The following MB21D2 variants were observed in gnomAD, a reference collection of about 807,000 sequenced individuals.
MB21D2 encodes nucleotidyltransferase MB21D2.
MB21D2 carries 9 observed loss-of-function variants against 33.3 expected under a neutral mutation model. That is an observed-to-expected ratio of 0.27 (90% CI 0.16 to 0.47). The LOEUF (loss-of-function observed/expected upper bound fraction) is 0.47. Among genes scored for constraint, MB21D2 ranks in the 20% least tolerant of loss-of-function variants. MB21D2 has a pLI of 0.99. For missense variants in MB21D2, 540 were observed against 624.6 expected, an observed-to-expected ratio of 0.86 and a Z score of 1.44; for synonymous variants, 241 against 236.3, an observed-to-expected ratio of 1.02 and a Z score of -0.18.
Position 192,798,199 on chromosome 3 carries a change from G to A in MB21D2, c.*187C>T. 1 of 587,610 alleles carries A rather than the reference G, an allele frequency of 1.7e-6. No homozygotes were observed. Among genetic ancestry groups the A allele is most frequent in the Non-Finnish European group, 2.9e-6 (1 of 348,138 alleles). 36.4% of individuals were successfully genotyped at this position (587,610 alleles called of 1,614,324 possible). A position where few individuals can be genotyped will look rare whatever the true frequency, so the allele number is the denominator to read the frequency against. ...ACAAAAAGTAAACAACGAAATCAGA[G>A]GCAGAATATGAAATAGTAATATACT... On this transcript the variant is annotated 3_prime_UTR_variant, in exon 2 of 2. Coordinates refer to ENST00000392452, the MANE Select transcript of MB21D2 (RefSeq NM_178496.4). This position sits in a 1 kb window ranked among gnomAD's most constrained non-coding sequence, Gnocchi z 4.8.
At chr3:192,884,819 C>A (rs1378411739) in intron 1 of MB21D2, among the ~76,000 whole-genome samples, 1 of 152,076 alleles carries the variant, frequency 6.6e-6, no homozygotes, top group African/African-American at 2.4e-5. Flanking sequence ...GCACCCTACA[C>A]ATAAGAGGAG....
chr3:192,808,107 C>G (rs1711705766), intron 1 of MB21D2, among the ~76,000 whole-genome samples: 1 of 152,142 alleles, frequency 6.6e-6, no homozygotes, highest in Non-Finnish European at 1.5e-5. Flanking sequence ...GTTAAATGCT[C>G]TGGCATGCAA....
At chr3:192,835,140 T>C (rs1298899420) in intron 1 of MB21D2, among the ~76,000 whole-genome samples, 2 of 124,522 alleles carry the variant, frequency 1.6e-5, no homozygotes, top group South Asian at 3.2e-4. Flanking sequence ...CAGGGATCTT[T>C]AGAAAGTGTC....
At chr3:192,869,325 A>G (rs6778681) in intron 1 of MB21D2, among the ~76,000 whole-genome samples, 96 of 108,770 alleles carry the variant, frequency 8.8e-4, no homozygotes, top group African/African-American at 2.2e-3. Context: ...AAGGAGGGAA[A>G]AAGGGAAGGA....
At chr3:192,805,061 A>T (rs1220109160) in intron 1 of MB21D2, among the ~76,000 whole-genome samples, 1 of 152,256 alleles carries the variant, frequency 6.6e-6, no homozygotes, top group Non-Finnish European at 1.5e-5. Flanking sequence ...ACAGATTACC[A>T]GCATTGTTGC....
At chr3:192,895,352 T>G (rs1436324760) in intron 1 of MB21D2, among the ~76,000 whole-genome samples, 1 of 152,200 alleles carries the variant, frequency 6.6e-6, no homozygotes, top group African/African-American at 2.4e-5. Context: ...CAGGTCTCTC[T>G]CAATTATATC....
chr3:192,852,030 T>C (rs1712817377), intron 1 of MB21D2, among the ~76,000 whole-genome samples: 4 of 152,222 alleles, frequency 2.6e-5, no homozygotes, highest in Admixed American at 1.3e-4. Flanking sequence ...GGCAAAGTTT[T>C]ATCCCCCAGG....
At chr3:192,878,460 T>A (rs1713489345) in intron 1 of MB21D2, among the ~76,000 whole-genome samples, 1 of 152,236 alleles carries the variant, frequency 6.6e-6, no homozygotes, top group African/African-American at 2.4e-5. Flanking sequence ...TTACTTTCAA[T>A]AGAATAAAGA....
intron 1 of MB21D2, among the ~76,000 whole-genome samples, chr3:192,882,297 A>G (rs1275083368): frequency 6.6e-6 from 1 of 151,796 alleles, no homozygotes; most frequent in African/African-American, 2.4e-5. Flanking sequence ...CTGGTCTCGA[A>G]CTCCCGACCT....
intron 1 of MB21D2, among the ~76,000 whole-genome samples, chr3:192,817,765 C>T (rs913308657): frequency 2.0e-5 from 3 of 152,160 alleles, no homozygotes; most frequent in African/African-American, 4.8e-5. Context: ...TTCCCACCAC[C>T]GCACCCAGCA....
At chr3:192,903,456 T>C (rs928052625) in intron 1 of MB21D2, among the ~76,000 whole-genome samples, 2 of 152,202 alleles carry the variant, frequency 1.3e-5, no homozygotes, top group African/African-American at 4.8e-5. Context: ...AGGTTTTATT[T>C]TGCTTTTTTA....
At chr3:192,854,476 A>G (rs1484318202) in intron 1 of MB21D2, among the ~76,000 whole-genome samples, 3 of 152,348 alleles carry the variant, frequency 2.0e-5, no homozygotes, top group African/African-American at 4.8e-5. Context: ...AGTCATCTCT[A>G]TAACATAGAA....
intron 1 of MB21D2, among the ~76,000 whole-genome samples, chr3:192,913,230 T>C (rs1714392858): frequency 6.8e-6 from 1 of 147,528 alleles, no homozygotes; most frequent in Non-Finnish European, 1.5e-5. Context: ...ACCCTGTCTC[T>C]ACCAAAAATA....
At chr3:192,873,153 A>G (rs1488023258) in intron 1 of MB21D2, among the ~76,000 whole-genome samples, 5 of 152,192 alleles carry the variant, frequency 3.3e-5, no homozygotes, top group African/African-American at 1.2e-4. Flanking sequence ...CCCTGGCTCT[A>G]TCTGCCTCCC....
intron 1 of MB21D2, among the ~76,000 whole-genome samples, chr3:192,909,325 C>G (rs1407906275): frequency 1.3e-5 from 2 of 151,622 alleles, no homozygotes; most frequent in African/African-American, 4.8e-5. Flanking sequence ...GATAGAGTAC[C>G]CTATGTGATT....
chr3:192,909,336 A>C (rs1036224107), intron 1 of MB21D2, among the ~76,000 whole-genome samples: 3 of 152,180 alleles, frequency 2.0e-5, no homozygotes, highest in African/African-American at 7.2e-5. Flanking sequence ...CTATGTGATT[A>C]TTAGTGCCTT....
chr3:192,908,336 C>G (rs765788070), intron 1 of MB21D2, among the ~76,000 whole-genome samples: 1 of 151,428 alleles, frequency 6.6e-6, no homozygotes, highest in Non-Finnish European at 1.5e-5. Flanking sequence ...TGGGAAAGAA[C>G]AGGCTAAGGG....
intron 1 of MB21D2, among the ~76,000 whole-genome samples, chr3:192,807,524 G>A (rs1711690075): frequency 6.6e-6 from 1 of 152,094 alleles, no homozygotes; most frequent in Admixed American, 6.6e-5. Flanking sequence ...GGACCCAGCT[G>A]GGTCCGGTTT....
At chr3:192,887,872 T>G (rs1444727764) in intron 1 of MB21D2, among the ~76,000 whole-genome samples, 1 of 151,944 alleles carries the variant, frequency 6.6e-6, no homozygotes, top group East Asian at 1.9e-4. Context: ...GGAGATGCAG[T>G]TTCTCTTCAG....
Sources: gnomAD v4.1 joint callset for allele counts (sites outside exome capture counted in the v4.1 genomes callset) on GRCh38, gnomAD v4.1.1 for gene constraint, Gnocchi (gnomAD v3.1) non-coding constraint, MANE v1.5 for transcripts, NCBI Gene and HGNC (gene_info 2026-07-23, HGNC 2026-07-21) for gene names.